NRIP1: variants seen among roughly 807,000 people sequenced by gnomAD.
NRIP1 encodes nuclear receptor-interacting protein 1.
In NRIP1, 28 loss-of-function variants were observed where a neutral mutation model predicts 75.0. The observed-to-expected ratio is 0.37, with a 90% CI of 0.28 to 0.51. The LOEUF is 0.51. Ranked by LOEUF, NRIP1 falls within the 20% of genes least tolerant of loss-of-function variation. NRIP1 has a pLI of 0.92. For missense variants in NRIP1, 1,435 were observed against 1,343.7 expected, an observed-to-expected ratio of 1.07 and a Z score of -1.06; for synonymous variants, 526 against 487.6, an observed-to-expected ratio of 1.08 and a Z score of -1.04.
intron 3 of NRIP1, among the ~76,000 whole-genome samples, chr21:14,998,140 C>T (rs1276636266): frequency 2.6e-5 from 4 of 152,140 alleles, no homozygotes; most frequent in African/African-American, 9.7e-5. Flanking sequence ...CATTTCTCTA[C>T]TGGAAATAAA....
chr21:14,993,219 C>T (rs545709649), intron 3 of NRIP1, among the ~76,000 whole-genome samples: 3 of 149,882 alleles, frequency 2.0e-5, no homozygotes, highest in Admixed American at 1.3e-4. Context: ...CAACTAAAAT[C>T]GAGACCAGTA....
At chr21:14,980,403 G>C (rs2087199973) in intron 3 of NRIP1, among the ~76,000 whole-genome samples, 6 of 152,052 alleles carry the variant, frequency 3.9e-5, no homozygotes, top group Admixed American at 3.9e-4. Context: ...AAACCTGGAA[G>C]GCGGAGGTTG....
At chr21:15,048,482 C>G (rs1325436003) in intron 1 of NRIP1, among the ~76,000 whole-genome samples, 1 of 151,988 alleles carries the variant, frequency 6.6e-6, no homozygotes, top group Non-Finnish European at 1.5e-5. Flanking sequence ...AAATCTTAGT[C>G]GACAGAAGGC....
chr21:15,049,173 T>G (rs558237511), intron 1 of NRIP1, among the ~76,000 whole-genome samples: 1 of 152,272 alleles, frequency 6.6e-6, no homozygotes, highest in African/African-American at 2.4e-5. Context: ...CACCTAATAT[T>G]CAGGTTACAA....
intron 3 of NRIP1, among the ~76,000 whole-genome samples, chr21:15,000,644 A>T (rs1183316958): frequency 6.6e-6 from 1 of 152,184 alleles, no homozygotes. Context: ...CAAAAACTGT[A>T]AGTAAAAAGA....
chr21:14,974,953 T>TAA (rs549265843), intron 3 of NRIP1, among the ~76,000 whole-genome samples: 1 of 148,172 alleles, frequency 6.7e-6, no homozygotes, highest in Non-Finnish European at 1.5e-5. Flanking sequence ...ACAAAAACAT[T>TAA]AAAAAAAAAA....
intron 3 of NRIP1, among the ~76,000 whole-genome samples, chr21:14,972,274 C>A (rs1342488655): frequency 2.6e-5 from 4 of 152,080 alleles, no homozygotes; most frequent in African/African-American, 7.2e-5. Flanking sequence ...ACTAACAATC[C>A]TTCTCACCTT....
intron 2 of NRIP1, among the ~76,000 whole-genome samples, chr21:15,040,908 T>C (rs2088937931): frequency 6.6e-6 from 1 of 152,086 alleles, no homozygotes; most frequent in East Asian, 1.9e-4. Context: ...GACACACTGA[T>C]TGACATTTCC....
intron 1 of NRIP1, among the ~76,000 whole-genome samples, chr21:15,049,147 C>T (rs538203707): frequency 6.6e-6 from 1 of 152,080 alleles, no homozygotes; most frequent in Non-Finnish European, 1.5e-5. Flanking sequence ...TTCCCATTGT[C>T]TTATAAAATT....
intron 1 of NRIP1, among the ~76,000 whole-genome samples, chr21:15,056,523 C>G (rs2089311957): frequency 6.6e-6 from 1 of 151,958 alleles, no homozygotes; most frequent in Admixed American, 6.6e-5. Flanking sequence ...TTTTAAAAAG[C>G]ATGGATCAGT....
At chr21:15,045,646 T>A (rs1304502617) in intron 1 of NRIP1, among the ~76,000 whole-genome samples, 1 of 152,208 alleles carries the variant, frequency 6.6e-6, no homozygotes, top group East Asian at 1.9e-4. Flanking sequence ...GTTTGCCACA[T>A]CGGCTGATTC....
chr21:14,965,063 A>G lies in NRIP1; in HGVS notation c.3130T>C (p.Trp1044Arg). 6.2e-7 allele frequency: 1 copy of G among 1,613,758 alleles called. No individual in the cohort carries two copies. Among genetic ancestry groups the G allele is most frequent in the South Asian group, 1.1e-5 (1 of 91,074 alleles). ...SMPSEKGPIK[W>R]VITDAEKNEY... The stretch of plus-strand genomic sequence containing the variant: ...TTCTTCTCCGCATCAGTGATAACCC[A>G]CTTAATGGGTCCTTTCTCACTGGGC... Residue 1044 changes from tryptophan to arginine, a missense_variant, in exon 4 of 4, where the codon TGG (tryptophan) becomes CGG (arginine). By Grantham distance (101) the Trp-to-Arg change is moderately radical. Coordinates refer to ENST00000318948, the MANE Select transcript of NRIP1 (RefSeq NM_003489.4).
intron 1 of NRIP1, chr21:15,050,324 CTT>C (rs1208425788): frequency 5.1e-6 from 1 of 195,324 alleles, no homozygotes; most frequent in Non-Finnish European, 1.1e-5. Flanking sequence ...GTTAAGATAA[CTT>C]TTGTTTTTCT....
chr21:15,024,592 G>C (rs1448407503), intron 2 of NRIP1, among the ~76,000 whole-genome samples: 1 of 151,272 alleles, frequency 6.6e-6, no homozygotes, highest in Admixed American at 6.6e-5. Flanking sequence ...GTGTGTGTGT[G>C]TGTGTCTGTG....
At chr21:15,064,667 G>GCGGGCCGCGCTCC (rs1978700069) in intron 1 of NRIP1, 78 bp downstream of exon 1, 1 of 150,698 alleles carries the variant, frequency 6.6e-6, no homozygotes, top group African/African-American at 2.4e-5. Flanking sequence ...GAGAGCCGAC[G>GCGGGCCGCGCTCC]CGGGCCGCGC....
chr21:14,995,622 AAG>A (rs1325820102), intron 3 of NRIP1, among the ~76,000 whole-genome samples: 3 of 152,232 alleles, frequency 2.0e-5, no homozygotes, highest in Non-Finnish European at 4.4e-5. Context: ...ATAAATATGA[AAG>A]AAAGAGAATT....
At chr21:14,995,591 T>C (rs1317024799) in intron 3 of NRIP1, among the ~76,000 whole-genome samples, 1 of 152,228 alleles carries the variant, frequency 6.6e-6, no homozygotes, top group Non-Finnish European at 1.5e-5. Context: ...AGATTTAATT[T>C]TGTAAGAATT....
intron 2 of NRIP1, among the ~76,000 whole-genome samples, chr21:15,031,343 GGAGGATCACCACA>G: frequency 7.2e-6 from 1 of 139,480 alleles, no homozygotes; most frequent in African/African-American, 2.7e-5. Flanking sequence ...GAAGGCGCTC[GGAGGATCACCACA>G]TTCCCTTTCT....
chr21:14,964,816 T>C lies in NRIP1; in HGVS notation c.3377A>G (p.Asn1126Ser), dbSNP rs1373705398. ...ASFFNLRSPY[N>S]SHMGNNASRP... ...AGAAGCATTATTTCCCATATGGCTA[T>C]TGTAAGGGCTTCTTAAATTAAAGAA... The change falls in exon 4 of 4, where the codon AAT becomes AGT. Residue 1126 changes from asparagine (N) to serine (S), a missense_variant. Physicochemically the swap from Asn to Ser is conservative, Grantham distance 46 (BLOSUM62 1). Transcript: ENST00000318948. 5.0e-6 allele frequency: 8 copies of C among 1,613,080 alleles called. No individual in the cohort carries two copies. The highest frequency in any genetic ancestry group is 6.8e-6 in the Non-Finnish European group (8 of 1,179,644).
Sources: allele counts gnomAD v4.1 joint callset (sites outside exome capture counted in the v4.1 genomes callset), GRCh38; gene constraint gnomAD v4.1.1; transcripts MANE v1.5; gene names NCBI Gene and HGNC (gene_info 2026-07-23, HGNC 2026-07-21).